PPAT: variants seen among roughly 807,000 people sequenced by gnomAD.
PPAT encodes amidophosphoribosyltransferase.
PPAT carries 20 observed loss-of-function variants against 60.2 expected under a neutral mutation model. The ratio of observed to expected loss-of-function variants is 0.33; its 90% CI spans 0.23 to 0.48. The LOEUF is 0.48. Among genes scored for constraint, PPAT ranks in the 20% least tolerant of loss-of-function variants. The probability of loss-of-function intolerance (pLI) is 0.99; values close to 1 mark genes in which losing one functional copy is unlikely to be tolerated. For missense variants in PPAT, 349 were observed against 629.6 expected (o/e 0.55, Z 4.77); for synonymous variants, 194 against 215.1 (o/e 0.90, Z 0.86).
intron 1 of PPAT, among the ~76,000 whole-genome samples, chr4:56,432,979 TAC>T (rs1345533490): frequency 2.2e-4 from 28 of 127,614 alleles, no homozygotes; most frequent in African/African-American, 7.7e-4. Context: ...TATACATATA[TAC>T]ATACACACAC....
chr4:56,424,483 T>A (rs1234630471), intron 1 of PPAT, among the ~76,000 whole-genome samples: 9 of 152,180 alleles, frequency 5.9e-5, no homozygotes, highest in Non-Finnish European at 7.4e-5. Context: ...TGCCGATAGA[T>A]TATCACTTAA....
intron 1 of PPAT, among the ~76,000 whole-genome samples, chr4:56,410,247 A>C (rs1231199616): frequency 2.0e-5 from 3 of 152,238 alleles, no homozygotes; most frequent in Non-Finnish European, 4.4e-5. Context: ...GAAAAGAAAT[A>C]CACAAAAAAC....
rs777605224 is a variant in PPAT, at chr4:56,395,185, C to T, written c.*167G>A. ...TATGCAATTGGAAATGTTCAGTTAT[C>T]GCACTTTGGTATCCTTTTCAGAAAA... On this transcript the variant is annotated 3_prime_UTR_variant, in exon 11 of 11. Coordinates refer to ENST00000264220, the MANE Select transcript of PPAT (RefSeq NM_002703.5). 1.4e-5 allele frequency: 8 copies of T among 578,772 alleles called. No homozygotes were observed. Among genetic ancestry groups the T allele is most frequent in the Admixed American group, 4.2e-5 (1 of 23,654 alleles). 35.9% of individuals were successfully genotyped at this position (578,772 alleles called of 1,614,324 possible). A position where few individuals can be genotyped will look rare whatever the true frequency, so the allele number is the denominator to read the frequency against.
At chr4:56,406,728 G>C in intron 2 of PPAT, 27 bp from the exon 3 acceptor site, 1 of 1,517,304 alleles carries the variant, frequency 6.6e-7, no homozygotes. Context: ...GTGCAACTTA[G>C]AAAAAAACAG....
rs75335543 is a variant in PPAT, at chr4:56,416,798, T to C, written c.129-9082A>G. Among the ~76,000 whole-genome samples the C allele has an allele frequency of 8.7e-3, 1,321 of 152,278 alleles. 6 individuals carry two copies. The highest frequency in any genetic ancestry group is 0.014 in the Non-Finnish European group (960 of 68,012). ...AGTAAACATCAGAGCCACAACCAGG[T>C]CAAGGATAATTTGAATCACCCAATG... On this transcript the variant is annotated intron_variant, in intron 1 of 10. Coordinates refer to ENST00000264220, the MANE Select transcript of PPAT (RefSeq NM_002703.5).
At position 56,396,294 on chromosome 4, in the gene PPAT, T is replaced by C. The variant is rs568627913; in HGVS notation, c.1357+325A>G. 1.2e-5 allele frequency: 2 copies of C among 168,580 alleles called. No individual in the cohort carries two copies. Among genetic ancestry groups the C allele is most frequent in the East Asian group, 3.3e-4 (2 of 6,096 alleles). The allele number at this position is 168,580 out of a possible 1,614,324, so 10.4% of individuals were successfully genotyped here. A position where few individuals can be genotyped will look rare whatever the true frequency, so the allele number is the denominator to read the frequency against. On this transcript the variant is annotated intron_variant, in intron 10 of 10. Coordinates refer to ENST00000264220, the MANE Select transcript of PPAT (RefSeq NM_002703.5). This position sits in a 1 kb window ranked among gnomAD's most constrained non-coding sequence, Gnocchi z 4.6. ...ATTTGTATCCACATCCAAATTACTC[T>C]GTTAGAATCTGATTAAATTATTTTT...
chr4:56,404,084 A>AT (rs1716184726), intron 3 of PPAT: 1 of 423,588 alleles, frequency 2.4e-6, no homozygotes, highest in Non-Finnish European at 4.8e-6. Flanking sequence ...GTATATACTA[A>AT]TAACGGATGA....
In PPAT at chr4:56,409,975, T is replaced by G. The variant is rs373754815; in HGVS notation, c.129-2259A>C. Among the ~76,000 whole-genome samples, 48 of 152,308 alleles carry G rather than the reference T, an allele frequency of 3.2e-4. No individual in the cohort carries two copies. In the East Asian group the frequency reaches 8.1e-3, roughly 26 times the overall value. ...ACAGCAGCCTCAAGAAATGATTTTA[T>G]TAAATGCATTAAATACTGAAAATAG... On this transcript the variant is annotated intron_variant, in intron 1 of 10. Transcript: ENST00000264220.
intron 1 of PPAT, among the ~76,000 whole-genome samples, chr4:56,411,913 A>C (rs1313519172): frequency 6.6e-6 from 1 of 152,196 alleles, no homozygotes; most frequent in African/African-American, 2.4e-5. Flanking sequence ...TTAAAAGAAG[A>C]ATCCACCCTG....
intron 3 of PPAT, among the ~76,000 whole-genome samples, chr4:56,405,909 G>C (rs373469155): frequency 6.6e-6 from 1 of 152,202 alleles, no homozygotes; most frequent in East Asian, 1.9e-4. Context: ...CAAAGGCCTG[G>C]ACTTGCAACT....
chr4:56,415,963 A>G (rs920145071), intron 1 of PPAT, among the ~76,000 whole-genome samples: 5 of 152,056 alleles, frequency 3.3e-5, no homozygotes, highest in Admixed American at 3.3e-4. Flanking sequence ...CCAGCTACTC[A>G]TAAGGCTGAG....
intron 1 of PPAT, chr4:56,410,873 A>G (rs1438172819): frequency 1.1e-6 from 1 of 941,638 alleles, no homozygotes; most frequent in Admixed American, 7.4e-5. Context: ...GCTCAGCCCA[A>G]GTACAGCCCC....
chr4:56,405,081 A>G (rs1282484471), intron 3 of PPAT, among the ~76,000 whole-genome samples: 1 of 151,666 alleles, frequency 6.6e-6, no homozygotes, highest in African/African-American at 2.4e-5. Flanking sequence ...GAATGAATAT[A>G]AAGACAGGCA....
chr4:56,407,320 T>G (rs528923571), intron 2 of PPAT, among the ~76,000 whole-genome samples: 2 of 152,008 alleles, frequency 1.3e-5, no homozygotes, highest in Non-Finnish European at 2.9e-5. Flanking sequence ...TTCTTTTTTC[T>G]TTCTTTTTTT....
chr4:56,433,930 T>C (rs1300669769), intron 1 of PPAT, among the ~76,000 whole-genome samples: 1 of 152,156 alleles, frequency 6.6e-6, no homozygotes, highest in Non-Finnish European at 1.5e-5. Flanking sequence ...AACCTCGTGA[T>C]CCGCCCGCCT....
rs1716104725 is a variant in PPAT, at chr4:56,401,219, T to C, written c.886+111A>G. 7 of 1,031,982 alleles carry C rather than the reference T, an allele frequency of 6.8e-6. No homozygotes were observed. In the Admixed American group the frequency reaches 2.0e-4, roughly 30 times the overall value. The allele number at this position is 1,031,982 out of a possible 1,614,324, so 63.9% of individuals were successfully genotyped here. A position where few individuals can be genotyped will look rare whatever the true frequency, so the allele number is the denominator to read the frequency against. ...GGCTCAGTCCTATATCCACAACATA[T>C]AACTATATGCCTTCAAAGAGCCAGG... On this transcript the variant is annotated intron_variant, in intron 7 of 10. Transcript: ENST00000264220.
chr4:56,435,114 G>A (rs1489655419), intron 1 of PPAT, among the ~76,000 whole-genome samples: 1 of 152,142 alleles, frequency 6.6e-6, no homozygotes, highest in Admixed American at 6.5e-5. Flanking sequence ...GGGAGGGAGA[G>A]AGCCCCTAAA....
At chr4:56,409,703 ATAG>A (rs1390080478) in intron 1 of PPAT, among the ~76,000 whole-genome samples, 1 of 152,246 alleles carries the variant, frequency 6.6e-6, no homozygotes. Context: ...AGTGCTATAA[ATAG>A]TAGATGTTTA....
chr4:56,402,279 C>T, intron 5 of PPAT, 98 bp from the exon 6 acceptor site: 1 of 795,358 alleles, frequency 1.3e-6, no homozygotes, highest in East Asian at 2.7e-5. Context: ...AAATAAAACT[C>T]ATAGAATAGC....
Sources: allele counts gnomAD v4.1 joint callset (sites outside exome capture counted in the v4.1 genomes callset), GRCh38; gene constraint gnomAD v4.1.1; non-coding constraint Gnocchi (gnomAD v3.1); transcripts MANE v1.5; gene names NCBI Gene and HGNC (gene_info 2026-07-23, HGNC 2026-07-21).